Variants in CFAP65 observed in about 807,000 individuals in gnomAD.
CFAP65 encodes cilia- and flagella-associated protein 65.
A neutral mutation model predicts 208.0 loss-of-function variants in CFAP65; 155 were observed. The observed-to-expected ratio is 0.75, with a 90% confidence interval of 0.65 to 0.85. The LOEUF is 0.85. Ranked by LOEUF, CFAP65 falls within the 40% of genes least tolerant of loss-of-function variation. The pLI, the probability that CFAP65 is intolerant of heterozygous loss-of-function variation, is 0.00. For missense variants in CFAP65, 2,294 were observed against 2,451.3 expected (o/e 0.94, Z 1.36); for synonymous variants, 970 against 986.3 (o/e 0.98, Z 0.31).
intron 21 of CFAP65, chr2:219,015,156 A>G (rs757934610): frequency 6.6e-6 from 1 of 152,032 alleles, no homozygotes; most frequent in Non-Finnish European, 1.5e-5. Flanking sequence ...GAATGCGTGC[A>G]ACACACACCT....
Position 219,013,337 on chromosome 2 carries a change from C to T in CFAP65, c.3879G>A (p.Glu1293=). The change falls in exon 24 of 35, where the codon GAG becomes GAA. Residue 1293 remains glutamate, a synonymous_variant. Transcript: ENST00000341552. ...TAGAGGTGAAGTGCACATACTTCTG[C>T]TCCGGCTTCACTGTCACACCTATGA... ...LNFIGVTVKP[E]QKYVHFTSTT... is the part of the protein sequence containing the mutation. 6.2e-7 allele frequency: 1 copy of T among 1,613,936 alleles called. No homozygotes were observed. The highest frequency in any genetic ancestry group is 8.5e-7 in the Non-Finnish European group (1 of 1,179,928).
Position 219,030,848 on chromosome 2 carries a change from G to T in CFAP65, c.1016-14C>A, listed in dbSNP as rs202220607. 1.2e-6 allele frequency: 2 copies of T among 1,611,090 alleles called. No homozygotes were observed. Among genetic ancestry groups the T allele is most frequent in the Middle Eastern group, 1.7e-4 (1 of 6,040 alleles). ...GGGCGCACTTGGCTGGGGCAGAGATGGGGGAGTCTTGGGGGAACCCACCAG... is the reference window on the plus strand; with the variant it reads ...GGGCGCACTTGGCTGGGGCAGAGATTGGGGAGTCTTGGGGGAACCCACCAG... On this transcript the variant is annotated splice_polypyrimidine_tract_variant and intron_variant, in intron 8 of 34. Transcript: ENST00000341552.
In CFAP65 at chr2:219,013,951, C is replaced by T; in HGVS notation, c.3696G>A (p.Val1232=). The change falls in exon 22 of 35, where the codon GTG becomes GTA. Residue 1232 remains valine (V), a synonymous_variant. Transcript: ENST00000341552. ...TGATGGAGAAGAGGCAATTGTCCTGCACGCGCATCTGGTGGAGCTCAGTGG... is the reference window on the plus strand; with the variant it reads ...TGATGGAGAAGAGGCAATTGTCCTGTACGCGCATCTGGTGGAGCTCAGTGG... ...LNSTELHQMR[V]QDNCLFSISP... 6.2e-7 allele frequency: 1 copy of T among 1,613,798 alleles called. No individual in the cohort carries two copies. Among genetic ancestry groups the T allele is most frequent in the Non-Finnish European group, 8.5e-7 (1 of 1,179,906 alleles).
rs954969483 is a variant in CFAP65 at position 219,032,397 on chromosome 2, C to T, written c.645+73G>A. On this transcript the variant is annotated intron_variant, in intron 6 of 34. Coordinates refer to ENST00000341552, the MANE Select transcript of CFAP65 (RefSeq NM_194302.4). This position sits in a 1 kb window ranked among gnomAD's most constrained non-coding sequence, Gnocchi z 5.5. ...GTGTGCCGGGGCGCTCCTGGTTGCTCTGTCCTGTTTTCTGTTCTGAGGTCA... is the reference window on the plus strand; with the variant it reads ...GTGTGCCGGGGCGCTCCTGGTTGCTTTGTCCTGTTTTCTGTTCTGAGGTCA... The T allele has an allele frequency of 7.3e-7, 1 of 1,372,996 alleles. No homozygotes were observed. Among genetic ancestry groups the T allele is most frequent in the Non-Finnish European group, 1.0e-6 (1 of 1,001,572 alleles). 85.1% of individuals were successfully genotyped at this position (1,372,996 alleles called of 1,614,324 possible). A position where few individuals can be genotyped will look rare whatever the true frequency, so the allele number is the denominator to read the frequency against.
rs746955477 is a variant in CFAP65 at position 219,006,537 on chromosome 2, A to C, written c.4675-28T>G. ...GTGGAAAAAGAGAGATCCTTGCTTA[A>C]GATACAAGAGGCCCGGCCGGGGGTG... On this transcript the variant is annotated intron_variant, in intron 29 of 34. Coordinates refer to ENST00000341552, the MANE Select transcript of CFAP65 (RefSeq NM_194302.4). 3.7e-6 allele frequency: 6 copies of C among 1,612,244 alleles called. No homozygotes were observed. In the South Asian group the frequency reaches 6.6e-5, roughly 18 times the overall value.
chr2:219,040,676 C>G (rs1355421061), intron 1 of CFAP65, 112 bp from the exon 2 acceptor site: 1 of 1,490,206 alleles, frequency 6.7e-7, no homozygotes, highest in African/African-American at 1.4e-5. Context: ...CAGCTCCTGC[C>G]TCAGAGCTCT....
At chr2:219,009,299 T>C (rs778016593) in intron 28 of CFAP65, 48 bp downstream of exon 28, 11 of 1,491,602 alleles carry the variant, frequency 7.4e-6, no homozygotes, top group Non-Finnish European at 9.3e-6. Flanking sequence ...CACCCCAGCA[T>C]TGGGAGCCAT....
At chr2:219,039,115 T>C in intron 2 of CFAP65, 65 bp from the exon 3 acceptor site, 1 of 1,394,266 alleles carries the variant, frequency 7.2e-7, no homozygotes, top group Non-Finnish European at 9.8e-7. Flanking sequence ...TCGATGACTG[T>C]AGCTGAAATC....
chr2:219,033,440 T>C (rs1470546339), intron 5 of CFAP65, among the ~76,000 whole-genome samples: 1 of 150,712 alleles, frequency 6.6e-6, no homozygotes, highest in African/African-American at 2.4e-5. Flanking sequence ...AATGCCACTA[T>C]ACTCCAGCCT....
rs145735301 is a variant in CFAP65, at chr2:219,027,944, G to T, written c.1917C>A (p.Asp639Glu). The T allele has an allele frequency of 3.3e-6, 5 of 1,520,636 alleles. No homozygotes were observed. The highest frequency in any genetic ancestry group is 3.5e-6 in the Non-Finnish European group (4 of 1,134,940). 94.2% of individuals were successfully genotyped at this position (1,520,636 alleles called of 1,614,324 possible). Residue 639 changes from aspartate (D) to glutamate (E), a missense_variant, in exon 13 of 35, where the codon GAC becomes GAA. This residue lies in a region of CFAP65 where 867 missense variants were observed against 1,012.6 expected (regional missense o/e 0.86). Coordinates refer to ENST00000341552, the MANE Select transcript of CFAP65 (RefSeq NM_194302.4). Reference protein sequence around the residue: ...YIPPMTEFFFDGTSDITIFPP... With the variant: ...YIPPMTEFFFEGTSDITIFPP... ...GGAAGATGGTTATGTCGCTGGTGCC[G>T]TCGAAGAAGAACTCGGTCATGGGGG...
intron 14 of CFAP65, among the ~76,000 whole-genome samples, chr2:219,024,813 G>A (rs947112678): frequency 6.6e-6 from 1 of 152,166 alleles, no homozygotes; most frequent in Non-Finnish European, 1.5e-5. Context: ...GCGTGCATCT[G>A]TAATCTCAGC....
In CFAP65 at chr2:219,035,187, A is replaced by C; in HGVS notation, c.542+293T>G. 1.3e-6 allele frequency: 1 copy of C among 780,274 alleles called. No homozygotes were observed. 48.3% of individuals were successfully genotyped at this position (780,274 alleles called of 1,614,324 possible). ...ATTCCCCAGAAAAACTCTTGTACTT[A>C]TGTAACTGGACACATATACACGAAT... On this transcript the variant is annotated intron_variant, in intron 5 of 34. Transcript: ENST00000341552.
At chr2:219,021,410 A>G in intron 18 of CFAP65, 130 bp from the exon 19 acceptor site, 1 of 1,146,646 alleles carries the variant, frequency 8.7e-7, no homozygotes, top group Non-Finnish European at 1.2e-6. Flanking sequence ...CAGGGAGTGG[A>G]GCCCCTCCTC....
Position 219,004,217 on chromosome 2 carries a change from C to A in CFAP65, c.5290G>T (p.Glu1764Ter). ...YPGLGKKEEG[E>*]EEKGEEEEEE... ...TCTTCCTCTTCACCCTTCTCCTCCTCCCCCTCTTCCTTCTTTCCCAACCCT... is the reference window on the plus strand; with the variant it reads ...TCTTCCTCTTCACCCTTCTCCTCCTACCCCTCTTCCTTCTTTCCCAACCCT... Residue 1764 changes from glutamate to a stop codon, truncating the protein, a stop_gained, in exon 33 of 35, where the codon GAG (glutamate) becomes TAG (stop). Coordinates refer to ENST00000341552, the MANE Select transcript of CFAP65 (RefSeq NM_194302.4). LOFTEE classifies it high-confidence loss of function. The surrounding 1 kb of genome is among the most constrained non-coding windows in gnomAD (Gnocchi z 4.7). The A allele has an allele frequency of 6.2e-7, 1 of 1,613,920 alleles. No individual in the cohort carries two copies. The highest frequency in any genetic ancestry group is 8.5e-7 in the Non-Finnish European group (1 of 1,180,024).
In CFAP65 at chr2:219,038,432, G is replaced by T. The variant is rs779511013; in HGVS notation, c.300C>A (p.Ile100=). The part of the protein sequence containing the change: ...GSCLSASTVA[I]PAINDSSAAM... The stretch of plus-strand genomic sequence containing the variant: ...CTGCACTGCTGTCGTTGATGGCAGG[G>T]ATGGCCACTGTGCTGGCACTCAGGC... The change falls in exon 4 of 35, where the codon ATC becomes ATA. Residue 100 remains isoleucine, a synonymous_variant. Transcript: ENST00000341552. 1 of 1,613,952 alleles carries T rather than the reference G, an allele frequency of 6.2e-7. No homozygotes were observed. The highest frequency in any genetic ancestry group is 8.5e-7 in the Non-Finnish European group (1 of 1,180,024).
Position 219,021,265 on chromosome 2 carries a change from C to T in CFAP65, c.3146G>A (p.Arg1049Gln), listed in dbSNP as rs1947247107. ...DNHPLALQLD[R>Q]TEGSMPPRSQ... ...CCGGGGTGGCATGCTCCCCTCTGTT[C>T]GGTCCAGCTGCAGAGCTGCTCAGGG... Residue 1049 changes from arginine (R) to glutamine (Q), a missense_variant, in exon 19 of 35, where the codon CGA becomes CAA. Coordinates refer to ENST00000341552, the MANE Select transcript of CFAP65 (RefSeq NM_194302.4). The T allele has an allele frequency of 1.9e-6, 3 of 1,599,326 alleles. No homozygotes were observed. Among genetic ancestry groups the T allele is most frequent in the South Asian group, 1.1e-5 (1 of 87,918 alleles).
At position 219,031,649 on chromosome 2, in the gene CFAP65, T is replaced by C. The variant is rs1222574094; in HGVS notation, c.655A>G (p.Met219Val). The change falls in exon 7 of 35, where the codon ATG becomes GTG. Residue 219 changes from methionine (M) to valine (V), a missense_variant. Physicochemically the swap from Met to Val is conservative, Grantham distance 21. This residue lies in a region of CFAP65 where 867 missense variants were observed against 1,012.6 expected (regional missense o/e 0.86). Transcript: ENST00000341552. The surrounding 1 kb of genome is among the most constrained non-coding windows in gnomAD (Gnocchi z 5.2). ...GCTTTCTCAAACCACAGCTGGTCCA[T>C]GTACTCCTTCTGCAGTGTGAGGCGG... ...VFRPLEAKEYMDQLWFEKAEG... is the reference protein window; with the variant it reads ...VFRPLEAKEYVDQLWFEKAEG... 6.2e-7 allele frequency: 1 copy of C among 1,609,344 alleles called. No homozygotes were observed. Among genetic ancestry groups the C allele is most frequent in the Non-Finnish European group, 8.5e-7 (1 of 1,177,468 alleles).
intron 18 of CFAP65, 88 bp downstream of exon 18, chr2:219,021,692 C>T (rs1000612730): frequency 5.1e-5 from 73 of 1,434,794 alleles, no homozygotes; most frequent in South Asian, 2.1e-4. Context: ...ACTACAGGCG[C>T]GTGCCAGTGT....
chr2:219,008,760 T>A (rs184090834), intron 29 of CFAP65, among the ~76,000 whole-genome samples: 1,768 of 152,130 alleles, frequency 0.012, 22 homozygotes, highest in Admixed American at 0.023. Flanking sequence ...AAAAATAAAA[T>A]GTGAGCTCTG....
Sources: allele counts gnomAD v4.1 joint callset (sites outside exome capture counted in the v4.1 genomes callset), GRCh38; gene constraint gnomAD v4.1.1; regional missense constraint gnomAD v4.1.1; non-coding constraint Gnocchi (gnomAD v3.1); transcripts MANE v1.5; gene names NCBI Gene and HGNC (gene_info 2026-07-23, HGNC 2026-07-21).